The following SVIL variants were observed in gnomAD, a reference collection of about 807,000 sequenced individuals.
The protein encoded by SVIL is supervillin, also known as archvillin.
SVIL carries 101 observed loss-of-function variants against 240.4 expected under a neutral mutation model. That is an observed-to-expected ratio of 0.42 (90% confidence interval 0.36 to 0.50). The LOEUF is 0.50. Ranked by LOEUF, SVIL falls within the 20% of genes least tolerant of loss-of-function variation. The probability of loss-of-function intolerance (pLI) is 0.01; values close to 1 mark genes in which losing one functional copy is unlikely to be tolerated. For missense variants in SVIL, 2,512 were observed against 2,818.7 expected (o/e 0.89, Z 2.46); for synonymous variants, 999 against 1,100.0 (o/e 0.91, Z 1.82).
At chr10:29,568,596 C>T (rs1184587902) in intron 2 of SVIL, among the ~76,000 whole-genome samples, 1 of 152,224 alleles carries the variant, frequency 6.6e-6, no homozygotes, top group Non-Finnish European at 1.5e-5. Context: ...GATACAGCTA[C>T]TGTGTATGGC....
rs577784891 is a variant in SVIL, at chr10:29,488,079, C to T, written c.4348+522G>A. 4.6e-5 allele frequency among the ~76,000 whole-genome samples: 7 copies of T among 152,260 alleles called. No individual in the cohort carries two copies. The South Asian group carries it at 8.3e-4, about 18-fold the overall frequency. On this transcript the variant is annotated intron_variant, in intron 23 of 37. Transcript: ENST00000355867. ...ACGCCCTGGTTCATCTTTGGAATCT[C>T]CCTTGCTACGGACAGGAAGGGCACT...
rs142819749 is a variant in SVIL at position 29,709,566 on chromosome 10, G to C, written c.-399-22915C>G. Among the ~76,000 whole-genome samples the C allele has an allele frequency of 4.8e-3, 731 of 152,270 alleles. 10 individuals carry two copies. Among genetic ancestry groups the C allele is most frequent in the African/African-American group, 0.017 (694 of 41,546 alleles). ...TAAGCTTTGCTGGTTGAGAGTGCTG[G>C]AGAAGTCGTGCAGGAGGAAGCGACT... is the stretch of plus-strand genomic sequence containing the variant. On this transcript the variant is annotated intron_variant, in intron 1 of 35. Coordinates refer to the SVIL transcript ENST00000375400.
At chr10:29,736,289 A>T (rs1252375583), upstream of SVIL, among the ~76,000 whole-genome samples, 1 of 152,152 alleles carries the variant, frequency 6.6e-6, no homozygotes, top group Admixed American at 6.5e-5. Flanking sequence ...AAAACACCGG[A>T]AAGGCAGATT....
intron 12 of SVIL, 147 bp from the exon 13 acceptor site, chr10:29,527,203 C>T (rs750444024): frequency 6.0e-5 from 46 of 764,614 alleles, no homozygotes; most frequent in East Asian, 8.3e-5. Flanking sequence ...GAAAAAATCA[C>T]GAAAGAACTT....
chr10:29,709,548 T>C (rs1277442868), intron 1 of SVIL, among the ~76,000 whole-genome samples: 4 of 152,220 alleles, frequency 2.6e-5, no homozygotes, highest in African/African-American at 9.6e-5. Context: ...GGTTAAGCTT[T>C]GCTGGTTGAG....
chr10:29,482,021 C>CTT lies in SVIL; in HGVS notation c.4956-295_4956-294dup, dbSNP rs35856299. ...ACATTCTAGCAAGTTCTTTTCTTTT[C>CTT]TTTTTTTTTTTTTTTTTTTTTTTTA... On this transcript the variant is annotated intron_variant, in intron 27 of 37. Coordinates refer to ENST00000355867, the MANE Select transcript of SVIL (RefSeq NM_021738.3). Among the ~76,000 whole-genome samples, 731 of 113,206 alleles carry CTT rather than the reference C, an allele frequency of 6.5e-3. 13 individuals are homozygous for CTT. The highest frequency in any genetic ancestry group is 0.019 in the African/African-American group (649 of 33,448). 74.3% of individuals were successfully genotyped at this position (113,206 alleles called of 152,430 possible). A position where few individuals can be genotyped will look rare whatever the true frequency, so the allele number is the denominator to read the frequency against.
intron 17 of SVIL, among the ~76,000 whole-genome samples, chr10:29,510,567 C>T (rs544817435): frequency 1.4e-4 from 21 of 151,916 alleles, no homozygotes; most frequent in East Asian, 5.8e-4. Context: ...CTGACCATAA[C>T]GCCGGCTCCT....
intron 14 of SVIL, 117 bp downstream of exon 14, chr10:29,524,355 A>G: frequency 1.4e-6 from 2 of 1,472,302 alleles, no homozygotes; most frequent in Non-Finnish European, 1.8e-6. Flanking sequence ...AATCACCTAC[A>G]GGTAGCAGTT....
chr10:29,549,765 C>A (rs533174842), intron 6 of SVIL, among the ~76,000 whole-genome samples: 1 of 141,742 alleles, frequency 7.1e-6, no homozygotes, highest in Admixed American at 7.2e-5. Context: ...AGTAAACTAT[C>A]GCAAAAACAA....
Position 29,651,618 on chromosome 10 carries a change from T to TTCTCTCTCTCTCTCTCTCTC in SVIL, c.-201+6331_-201+6350dup, listed in dbSNP as rs9299622. ...TCTACCTCATCCTGTGCCACATGCATTCTCTCTCTCTCTCTCTCTCTCTCT... is the reference window on the plus strand; with the variant it reads ...TCTACCTCATCCTGTGCCACATGCATTCTCTCTCTCTCTCTCTCTCTCTCTCTCTCTCTCTCTCTCTCTCT... On this transcript the variant is annotated intron_variant, in intron 3 of 35. Coordinates refer to the SVIL transcript ENST00000375400. Among the ~76,000 whole-genome samples the TTCTCTCTCTCTCTCTCTCTC allele has an allele frequency of 8.3e-4, 112 of 135,420 alleles. No homozygotes were observed. The East Asian group carries it at 9.4e-3, about 11-fold the overall frequency. The allele number at this position is 135,420 out of a possible 152,430, so 88.8% of individuals were successfully genotyped here.
chr10:29,603,026 C>T (rs140623457), intron 1 of SVIL, among the ~76,000 whole-genome samples: 72 of 152,238 alleles, frequency 4.7e-4, no homozygotes, highest in African/African-American at 1.6e-3. Flanking sequence ...GTTTTAAAAT[C>T]GTTTCATGCC....
At position 29,512,754 on chromosome 10, in the gene SVIL, C is replaced by T. The variant is rs776752798; in HGVS notation, c.3497G>A (p.Gly1166Glu). Reference protein sequence around the residue: ...PASSLHTQEAGRSLIKKRVTE... With the variant: ...PASSLHTQEAERSLIKKRVTE... ...TGTTACCTTCTTGATGAGGGACCGC[C>T]CTGCTTCCTGGGTGTGCAGGCTGCT... is the stretch of plus-strand genomic sequence containing the variant. Residue 1166 changes from glycine to glutamate, a missense_variant, in exon 17 of 38, where the codon GGG (glycine) becomes GAG (glutamate). By Grantham distance (98) the Gly-to-Glu change is moderately conservative (BLOSUM62 -2). Transcript: ENST00000355867. The T allele has an allele frequency of 6.2e-7, 1 of 1,614,074 alleles. No homozygotes were observed. Among genetic ancestry groups the T allele is most frequent in the Non-Finnish European group, 8.5e-7 (1 of 1,180,048 alleles).
At chr10:29,654,461 C>T (rs571633183) in intron 3 of SVIL, among the ~76,000 whole-genome samples, 49 of 152,216 alleles carry the variant, frequency 3.2e-4, no homozygotes, top group Admixed American at 6.5e-4. Flanking sequence ...AACAAGATCA[C>T]GCCATCTGCA....
At chr10:29,676,175 T>G (rs762706921) in intron 2 of SVIL, among the ~76,000 whole-genome samples, 1 of 152,240 alleles carries the variant, frequency 6.6e-6, no homozygotes, top group East Asian at 1.9e-4. Flanking sequence ...GATTTGAGAC[T>G]GATCTCCCAT....
At chr10:29,509,324 GGGGAGGGAGA>G (rs1186265625) in intron 17 of SVIL, among the ~76,000 whole-genome samples, 93 of 79,806 alleles carry the variant, frequency 1.2e-3, no homozygotes, top group Middle Eastern at 7.9e-3. Flanking sequence ...GGAGAAGGAG[GGGGAGGGAGA>G]GAGAGAGAGA....
chr10:29,714,675 C>T (rs947817977), intron 1 of SVIL, among the ~76,000 whole-genome samples: 4 of 152,004 alleles, frequency 2.6e-5, no homozygotes, highest in African/African-American at 7.2e-5. Context: ...AAGAAAAAGG[C>T]TTGGCCGGGC....
intron 17 of SVIL, among the ~76,000 whole-genome samples, chr10:29,503,273 A>T (rs1949037823): frequency 6.6e-6 from 1 of 152,242 alleles, no homozygotes; most frequent in Admixed American, 6.5e-5. Context: ...GATGAAGAAA[A>T]GATCACAGGT....
chr10:29,626,341 A>G (rs1957867990), intron 1 of SVIL, among the ~76,000 whole-genome samples: 2 of 152,180 alleles, frequency 1.3e-5, no homozygotes, highest in South Asian at 4.1e-4. Context: ...GTACTTTAGT[A>G]CCATTCCATT....
At chr10:29,666,527 G>A (rs1959309860) in intron 2 of SVIL, among the ~76,000 whole-genome samples, 1 of 152,190 alleles carries the variant, frequency 6.6e-6, no homozygotes, top group South Asian at 2.1e-4. Flanking sequence ...GCCTCGTACA[G>A]ACGACCCGTG....
Sources: gnomAD v4.1 joint callset for allele counts (sites outside exome capture counted in the v4.1 genomes callset) on GRCh38, gnomAD v4.1.1 for gene constraint, MANE v1.5 for transcripts, NCBI Gene and HGNC (gene_info 2026-07-23, HGNC 2026-07-21) for gene names.